Variants in SORCS3 observed in about 807,000 individuals in gnomAD.
SORCS3 encodes the protein sortilin related VPS10 domain containing receptor 3.
SORCS3 carries 57 observed loss-of-function variants against 146.3 expected under a neutral mutation model. The ratio of observed to expected loss-of-function variants is 0.39; its 90% CI spans 0.31 to 0.49. The LOEUF (loss-of-function observed/expected upper bound fraction) is 0.49, where lower values mean the gene tolerates loss of function less well. Among genes scored for constraint, SORCS3 ranks in the 20% least tolerant of loss-of-function variants. The pLI, the probability that SORCS3 is intolerant of heterozygous loss-of-function variation, is 0.92. For synonymous variants in SORCS3, 653 were observed against 618.5 expected, an observed-to-expected ratio of 1.06 and a Z score of -0.83; for missense variants, 1,341 against 1,575.5, an observed-to-expected ratio of 0.85 and a Z score of 2.52.
At chr10:105,046,169 GA>G (rs935065938) in intron 5 of SORCS3, among the ~76,000 whole-genome samples, 1 of 152,130 alleles carries the variant, frequency 6.6e-6, no homozygotes. Flanking sequence ...GTAAAAACAA[GA>G]CATTGAAATG....
At chr10:104,938,558 CT>C (rs11340186) in intron 3 of SORCS3, among the ~76,000 whole-genome samples, 41,335 of 151,960 alleles carry the variant, frequency 0.27, 7,122 homozygotes, top group African/African-American at 0.49. Flanking sequence ...TAAAATGATC[CT>C]CCCTAACTTT....
At chr10:104,897,788 G>A (rs1228216256) in intron 2 of SORCS3, among the ~76,000 whole-genome samples, 1 of 152,188 alleles carries the variant, frequency 6.6e-6, no homozygotes, top group East Asian at 1.9e-4. Context: ...GGAATGGAAT[G>A]CTTTGAGCAA....
intron 1 of SORCS3, among the ~76,000 whole-genome samples, chr10:104,798,596 C>A (rs796100917): frequency 3.3e-5 from 5 of 152,260 alleles, no homozygotes; most frequent in African/African-American, 1.2e-4. Context: ...ATGGCATAGC[C>A]ACCTTGGAAA....
At chr10:105,011,279 A>G (rs1161081130) in intron 4 of SORCS3, among the ~76,000 whole-genome samples, 1 of 152,180 alleles carries the variant, frequency 6.6e-6, no homozygotes, top group Non-Finnish European at 1.5e-5. Flanking sequence ...TGAAACCACC[A>G]TCATGATATG....
intron 2 of SORCS3, among the ~76,000 whole-genome samples, chr10:104,901,134 C>A (rs937262968): frequency 5.3e-5 from 8 of 152,118 alleles, no homozygotes; most frequent in Non-Finnish European, 1.2e-4. Flanking sequence ...GACATTGTCA[C>A]CATCATCATC....
At chr10:105,241,652 A>G (rs2056824308) in intron 20 of SORCS3, among the ~76,000 whole-genome samples, 1 of 152,120 alleles carries the variant, frequency 6.6e-6, no homozygotes, top group South Asian at 2.1e-4. Flanking sequence ...CTGAGCAATG[A>G]AAACAGCTCT....
At chr10:104,929,936 C>T (rs2133610009) in intron 3 of SORCS3, among the ~76,000 whole-genome samples, 1 of 152,250 alleles carries the variant, frequency 6.6e-6, no homozygotes. Context: ...ATGAAATCAC[C>T]TCATTAAAGG....
chr10:104,838,252 C>T (rs976587656), intron 1 of SORCS3, among the ~76,000 whole-genome samples: 4 of 152,098 alleles, frequency 2.6e-5, no homozygotes, highest in Admixed American at 6.6e-5. Flanking sequence ...CCATATCCAC[C>T]GACTGGGTTT....
chr10:105,254,736 T>C (rs1469780769), intron 23 of SORCS3, among the ~76,000 whole-genome samples: 1 of 149,964 alleles, frequency 6.7e-6, no homozygotes, highest in Non-Finnish European at 1.5e-5. Flanking sequence ...GAGGGAGAGG[T>C]TGCAGCCAGT....
At chr10:104,861,439 T>C (rs1053532553) in intron 2 of SORCS3, among the ~76,000 whole-genome samples, 1 of 152,198 alleles carries the variant, frequency 6.6e-6, no homozygotes, top group Non-Finnish European at 1.5e-5. Context: ...GTTGGAACAG[T>C]GATGACTCCC....
At chr10:105,062,010 A>G (rs1211861804) in intron 5 of SORCS3, among the ~76,000 whole-genome samples, 1 of 152,214 alleles carries the variant, frequency 6.6e-6, no homozygotes, top group Non-Finnish European at 1.5e-5. Flanking sequence ...AATTCCTGGG[A>G]CAGAGGGGGA....
chr10:104,704,287 C>T (rs1412175458), intron 1 of SORCS3, among the ~76,000 whole-genome samples: 1 of 151,962 alleles, frequency 6.6e-6, no homozygotes, highest in Non-Finnish European at 1.5e-5. Flanking sequence ...CCCACCTCAG[C>T]TTACTGAGTT....
intron 1 of SORCS3, among the ~76,000 whole-genome samples, chr10:104,728,830 A>G (rs1460956320): frequency 6.6e-6 from 1 of 152,208 alleles, no homozygotes; most frequent in Non-Finnish European, 1.5e-5. Flanking sequence ...GACTAGTCCT[A>G]TAAGTCACAA....
intron 11 of SORCS3, among the ~76,000 whole-genome samples, chr10:105,160,492 T>A (rs2056252932): frequency 6.6e-6 from 1 of 152,010 alleles, no homozygotes; most frequent in Admixed American, 6.5e-5. Flanking sequence ...CCAGGTGTGG[T>A]GGTGCATGCC....
intron 6 of SORCS3, among the ~76,000 whole-genome samples, chr10:105,094,720 T>C (rs2133745176): frequency 6.6e-6 from 1 of 152,336 alleles, no homozygotes; most frequent in East Asian, 1.9e-4. Flanking sequence ...ACTAATGACC[T>C]AAGCAAGTTA....
intron 3 of SORCS3, among the ~76,000 whole-genome samples, chr10:104,947,721 C>T (rs1344231667): frequency 6.6e-6 from 1 of 152,168 alleles, no homozygotes; most frequent in East Asian, 1.9e-4. Context: ...CTCCCAGGTT[C>T]AAGCTGTTCT....
intron 1 of SORCS3, among the ~76,000 whole-genome samples, chr10:104,824,142 C>T (rs1027859221): frequency 1.3e-5 from 2 of 152,156 alleles, no homozygotes; most frequent in Admixed American, 1.3e-4. Flanking sequence ...TTCTGGCCCC[C>T]ATAACTGTGA....
chr10:105,204,515 A>T (rs1166609843), intron 16 of SORCS3, among the ~76,000 whole-genome samples: 1 of 152,148 alleles, frequency 6.6e-6, no homozygotes, highest in Non-Finnish European at 1.5e-5. Flanking sequence ...TACTAGAATC[A>T]TAATAGGTGT....
At chr10:105,230,781 G>A (rs1365517226) in intron 20 of SORCS3, among the ~76,000 whole-genome samples, 1 of 152,182 alleles carries the variant, frequency 6.6e-6, no homozygotes, top group Non-Finnish European at 1.5e-5. Context: ...AGATGTAGTC[G>A]CTGTTGGGCC....
Sources: gnomAD v4.1 joint callset for allele counts (sites outside exome capture counted in the v4.1 genomes callset) on GRCh38, gnomAD v4.1.1 for gene constraint, MANE v1.5 for transcripts, NCBI Gene and HGNC (gene_info 2026-07-23, HGNC 2026-07-21) for gene names.